The following GPNMB variants were observed in gnomAD, a reference collection of about 807,000 sequenced individuals.
The protein encoded by GPNMB is transmembrane glycoprotein NMB.
A neutral mutation model predicts 57.3 loss-of-function variants in GPNMB; 71 were observed. The ratio of observed to expected loss-of-function variants is 1.24; its 90% CI spans 1.02 to 1.51. The LOEUF is 1.51. Ranked by LOEUF, GPNMB falls within the 40% of genes most tolerant of loss-of-function variation. The probability of loss-of-function intolerance (pLI) is 0.00; values close to 1 mark genes in which losing one functional copy is unlikely to be tolerated. For synonymous variants in GPNMB, 253 were observed against 263.2 expected, an observed-to-expected ratio of 0.96 and a Z score of 0.38; for missense variants, 677 against 691.9, an observed-to-expected ratio of 0.98 and a Z score of 0.24.
chr7:23,262,782 C>A (rs1461643881), intron 6 of GPNMB, among the ~76,000 whole-genome samples: 1 of 151,850 alleles, frequency 6.6e-6, no homozygotes, highest in Non-Finnish European at 1.5e-5. Flanking sequence ...CCACACCCAG[C>A]TAATTTTTTT....
intron 3 of GPNMB, among the ~76,000 whole-genome samples, chr7:23,255,373 A>G (rs1381936874): frequency 6.6e-6 from 1 of 152,178 alleles, no homozygotes; most frequent in East Asian, 1.9e-4. Flanking sequence ...CTCCAGTTCC[A>G]TCCATGTTGC....
chr7:23,270,216 A>G, intron 9 of GPNMB, 41 bp downstream of exon 9: 1 of 1,360,866 alleles, frequency 7.3e-7, no homozygotes, highest in Non-Finnish European at 1.1e-6. Flanking sequence ...TTCATACTGC[A>G]AGTAAAGTGT....
At chr7:23,248,987 T>C (rs1413597233) in intron 1 of GPNMB, among the ~76,000 whole-genome samples, 2 of 152,192 alleles carry the variant, frequency 1.3e-5, no homozygotes, top group Non-Finnish European at 2.9e-5. Flanking sequence ...TCTTACTACA[T>C]TGCCCAGGCT....
chr7:23,270,461 C>T (rs574890222), intron 9 of GPNMB, among the ~76,000 whole-genome samples: 4 of 152,116 alleles, frequency 2.6e-5, no homozygotes, highest in East Asian at 1.9e-4. Context: ...GATCACTGCA[C>T]GCTTGAATAG....
chr7:23,260,467 G>A lies in GPNMB; in HGVS notation c.712G>A (p.Val238Met), dbSNP rs1169494382. The change falls in exon 6 of 11, where the codon GTG becomes ATG. Residue 238 changes from valine to methionine, a missense_variant. By Grantham distance (21) the Val-to-Met change is conservative (BLOSUM62 1). Coordinates refer to ENST00000258733, the MANE Select transcript of GPNMB (RefSeq NM_002510.3). Reference sequence around the variant, plus strand: ...GATGTATCTTTTAGATCAGATTCCTGTGTTTGTGACTATGTTCCAGAAGAA... The same window carrying A: ...GATGTATCTTTTAGATCAGATTCCTATGTTTGTGACTATGTTCCAGAAGAA... ...DVYVVTDQIP[V>M]FVTMFQKNDR... 1.9e-6 allele frequency: 3 copies of A among 1,610,264 alleles called. No individual in the cohort carries two copies. Among genetic ancestry groups the A allele is most frequent in the Non-Finnish European group, 2.5e-6 (3 of 1,177,290 alleles).
rs371837989 is a variant in GPNMB, at chr7:23,273,633, C to T, written c.1523+19C>T. 74 of 1,362,910 alleles carry T rather than the reference C, an allele frequency of 5.4e-5. 1 individual carries two copies. In the African/African-American group the frequency reaches 5.7e-4, roughly 10 times the overall value. The allele number at this position is 1,362,910 out of a possible 1,614,324, so 84.4% of individuals were successfully genotyped here. A position where few individuals can be genotyped will look rare whatever the true frequency, so the allele number is the denominator to read the frequency against. ...TGTACAAGTAAGTTTTTGGTTCCTA[C>T]GCTTTATATCACTATAGTGTATTGT... On this transcript the variant is annotated intron_variant, in intron 10 of 10. Coordinates refer to ENST00000258733, the MANE Select transcript of GPNMB (RefSeq NM_002510.3).
intron 6 of GPNMB, among the ~76,000 whole-genome samples, chr7:23,262,020 T>C (rs1159005281): frequency 1.3e-5 from 2 of 152,094 alleles, no homozygotes; most frequent in African/African-American, 4.8e-5. Context: ...GCTGACATCC[T>C]CTCACTGGTC....
intron 3 of GPNMB, among the ~76,000 whole-genome samples, chr7:23,255,254 T>C (rs1047815128): frequency 5.9e-5 from 9 of 152,246 alleles, no homozygotes; most frequent in African/African-American, 2.2e-4. Flanking sequence ...TTTGACCTCG[T>C]GGTCCGCCCG....
chr7:23,247,557 C>A (rs918561237), intron 1 of GPNMB, among the ~76,000 whole-genome samples: 1 of 152,260 alleles, frequency 6.6e-6, no homozygotes, highest in Non-Finnish European at 1.5e-5. Flanking sequence ...CTCTTGGGAT[C>A]TGCCTATGCA....
At chr7:23,271,178 G>A (rs1783194833) in intron 9 of GPNMB, among the ~76,000 whole-genome samples, 1 of 152,218 alleles carries the variant, frequency 6.6e-6, no homozygotes, top group Non-Finnish European at 1.5e-5. Flanking sequence ...AATAAGGTTT[G>A]CACTCCTATG....
chr7:23,273,452 A>G (rs1783258640), intron 9 of GPNMB, 69 bp from the exon 10 acceptor site: 21 of 956,200 alleles, frequency 2.2e-5, no homozygotes, highest in Non-Finnish European at 2.9e-5. Flanking sequence ...TCATTTATTT[A>G]ATGGCATTAT....
chr7:23,267,971 C>A lies in GPNMB; in HGVS notation c.1203C>A (p.Val401=), dbSNP rs140819013. The part of the protein sequence containing the change: ...PWPESSLIDF[V]VTCQGSIPTE... ...CTGAAAGCTCCCTAATAGACTTTGT[C>A]GTGACCTGCCAAGGGAGGTGAGTAT... Residue 401 remains valine (V), a synonymous_variant, in exon 8 of 11, where the codon GTC becomes GTA. Transcript: ENST00000258733. The A allele has an allele frequency of 1.2e-6, 2 of 1,609,964 alleles. No individual in the cohort carries two copies. The highest frequency in any genetic ancestry group is 1.7e-4 in the Middle Eastern group (1 of 6,054).
At chr7:23,270,412 A>G (rs1783174558) in intron 9 of GPNMB, among the ~76,000 whole-genome samples, 1 of 152,208 alleles carries the variant, frequency 6.6e-6, no homozygotes, top group Admixed American at 6.5e-5. Flanking sequence ...TTGATGAAAA[A>G]AAATCAGCTG....
chr7:23,269,975 C>T lies in GPNMB; in HGVS notation c.1229C>T (p.Thr410Met), dbSNP rs532376238. Residue 410 changes from threonine (T) to methionine (M), a missense_variant, in exon 9 of 11, where the codon ACG becomes ATG. Thr to Met is a moderately conservative substitution (Grantham distance 81). Coordinates refer to ENST00000258733, the MANE Select transcript of GPNMB (RefSeq NM_002510.3). ...FVVTCQGSIP[T>M]EVCTIISDPT... ...CACCTCCCCTGTCGCAGCATTCCCA[C>T]GGAGGTCTGTACCATCATTTCTGAC... 5.3e-5 allele frequency: 85 copies of T among 1,613,640 alleles called. No homozygotes were observed. Among genetic ancestry groups the T allele is most frequent in the South Asian group, 4.6e-4 (42 of 91,032 alleles).
rs373796409 is a variant in GPNMB, at chr7:23,256,886, G to A, written c.368-6G>A. On this transcript the variant is annotated splice_region_variant and splice_polypyrimidine_tract_variant and intron_variant, in intron 3 of 10. Transcript: ENST00000258733. ...ACACTCATGGCTGGTTTCTATCTCT[G>A]TTTAGAGGCTGGTTTATCTGCTGAT... 1 of 1,613,064 alleles carries A rather than the reference G, an allele frequency of 6.2e-7. No homozygotes were observed. Among genetic ancestry groups the A allele is most frequent in the Non-Finnish European group, 8.5e-7 (1 of 1,179,034 alleles).
chr7:23,253,197 C>T (rs980080399), intron 1 of GPNMB, 110 bp from the exon 2 acceptor site: 7 of 875,236 alleles, frequency 8.0e-6, no homozygotes, highest in Non-Finnish European at 1.2e-5. Context: ...ACTTGATGCA[C>T]TGAATATATT....
Position 23,270,104 on chromosome 7 carries a change from G to T in GPNMB, c.1358G>T (p.Cys453Phe). The change falls in exon 9 of 11, where the codon TGT (cysteine) becomes TTT (phenylalanine). Residue 453 changes from cysteine to phenylalanine, a missense_variant. Transcript: ENST00000258733. ...RRTFNGSGTY[C>F]VNLTLGDDTS... ...ACCTTCAATGGGTCTGGGACGTACT[G>T]TGTGAACCTCACCCTGGGGGATGAC... 1.2e-5 allele frequency: 19 copies of T among 1,614,116 alleles called. No homozygotes were observed. Among genetic ancestry groups the T allele is most frequent in the Non-Finnish European group, 1.6e-5 (19 of 1,180,010 alleles).
At chr7:23,270,403 T>G (rs1783174275) in intron 9 of GPNMB, among the ~76,000 whole-genome samples, 1 of 152,086 alleles carries the variant, frequency 6.6e-6, no homozygotes, top group South Asian at 2.1e-4. Context: ...AAAAGCCTTT[T>G]GATGAAAAAA....
At chr7:23,257,365 A>T in intron 4 of GPNMB, 1 of 559,880 alleles carries the variant, frequency 1.8e-6, no homozygotes, top group South Asian at 2.2e-5. Flanking sequence ...AAATGCTAAC[A>T]CTTATTTATT....
Sources: gnomAD v4.1 joint callset for allele counts (sites outside exome capture counted in the v4.1 genomes callset) on GRCh38, gnomAD v4.1.1 for gene constraint, MANE v1.5 for transcripts, NCBI Gene and HGNC (gene_info 2026-07-23, HGNC 2026-07-21) for gene names.